The following LHFPL3 variants were observed in gnomAD, a reference collection of about 807,000 sequenced individuals.
LHFPL3 encodes the protein LHFPL tetraspan subfamily member 3 protein.
Under a neutral mutation model 19.3 loss-of-function variants are expected in LHFPL3, and 5 were observed. The observed-to-expected ratio is 0.26, with a 90% CI of 0.14 to 0.54. The LOEUF (loss-of-function observed/expected upper bound fraction) is 0.54, where lower values mean the gene tolerates loss of function less well. Ranked by LOEUF, LHFPL3 falls within the 20% of genes least tolerant of loss-of-function variation. The pLI, the probability that LHFPL3 is intolerant of heterozygous loss-of-function variation, is 0.94. For missense variants in LHFPL3, 249 were observed against 307.4 expected (o/e 0.81, Z 1.42); for synonymous variants, 133 against 126.2 (o/e 1.05, Z -0.36).
chr7:104,896,821 C>T (rs749341391), intron 2 of LHFPL3, among the ~76,000 whole-genome samples: 1 of 152,124 alleles, frequency 6.6e-6, no homozygotes, highest in Non-Finnish European at 1.5e-5. Context: ...CTCGGTGGCT[C>T]ATGCCTGTAA....
intron 1 of LHFPL3, among the ~76,000 whole-genome samples, chr7:104,461,426 A>C (rs962091693): frequency 6.6e-6 from 1 of 152,210 alleles, no homozygotes; most frequent in Non-Finnish European, 1.5e-5. Context: ...GCATATGACT[A>C]GCCAGTTATC....
At chr7:104,440,036 G>C (rs1044422452) in intron 1 of LHFPL3, among the ~76,000 whole-genome samples, 1 of 72,968 alleles carries the variant, frequency 1.4e-5, no homozygotes, top group Non-Finnish European at 2.8e-5. Flanking sequence ...TACAAAGCCT[G>C]GGGGGGGGGA....
At chr7:104,864,851 C>T (rs140012827) in intron 2 of LHFPL3, among the ~76,000 whole-genome samples, 2,406 of 152,268 alleles carry the variant, frequency 0.016, 67 homozygotes, top group African/African-American at 0.054. Context: ...ACACCTCACA[C>T]GGCCGGGTAC....
intron 1 of LHFPL3, among the ~76,000 whole-genome samples, chr7:104,406,339 A>C (rs568223903): frequency 9.2e-5 from 14 of 152,352 alleles, no homozygotes; most frequent in Admixed American, 3.9e-4. Context: ...AATGTAGGCC[A>C]GGTTGGAAAT....
At chr7:104,482,332 C>T (rs1793153555) in intron 1 of LHFPL3, among the ~76,000 whole-genome samples, 2 of 152,182 alleles carry the variant, frequency 1.3e-5, no homozygotes, top group South Asian at 4.1e-4. Flanking sequence ...TTCTAGGAAC[C>T]ACATCTAAGA....
chr7:104,562,528 C>A (rs541757510), intron 1 of LHFPL3, among the ~76,000 whole-genome samples: 3 of 152,222 alleles, frequency 2.0e-5, no homozygotes, highest in African/African-American at 7.2e-5. Flanking sequence ...TGGTTTTCAG[C>A]TCCATCAGCT....
intron 1 of LHFPL3, among the ~76,000 whole-genome samples, chr7:104,451,305 G>A (rs79417351): frequency 0.04 from 6,119 of 152,252 alleles, 361 homozygotes; most frequent in East Asian, 0.13. Context: ...TAGAAAGTAA[G>A]CTTGGCTGCC....
chr7:104,891,675 C>A (rs975929592), intron 2 of LHFPL3, among the ~76,000 whole-genome samples: 1 of 152,182 alleles, frequency 6.6e-6, no homozygotes, highest in Non-Finnish European at 1.5e-5. Context: ...GGTTGGGAAG[C>A]CTTTCTAAGA....
intron 2 of LHFPL3, among the ~76,000 whole-genome samples, chr7:104,899,834 T>A (rs1331062635): frequency 6.6e-6 from 1 of 152,046 alleles, no homozygotes; most frequent in Non-Finnish European, 1.5e-5. Flanking sequence ...TGGGTTCAAG[T>A]GATTATCCTG....
At chr7:104,333,507 G>A (rs1055814913) in intron 1 of LHFPL3, among the ~76,000 whole-genome samples, 1 of 152,174 alleles carries the variant, frequency 6.6e-6, no homozygotes, top group Non-Finnish European at 1.5e-5. Context: ...CCAGCAAGAA[G>A]TGCCACCAAG....
intron 2 of LHFPL3, among the ~76,000 whole-genome samples, chr7:104,876,960 G>A (rs1445288552): frequency 6.6e-6 from 1 of 152,154 alleles, no homozygotes; most frequent in Non-Finnish European, 1.5e-5. Context: ...AAAATGATGA[G>A]TTCATGTCCT....
intron 2 of LHFPL3, among the ~76,000 whole-genome samples, chr7:104,778,551 AC>A (rs1422213824): frequency 6.6e-6 from 1 of 152,138 alleles, no homozygotes; most frequent in Non-Finnish European, 1.5e-5. Context: ...TTTTCCAGCA[AC>A]CATGTGTACC....
chr7:104,629,956 T>C (rs1488016444), intron 1 of LHFPL3, among the ~76,000 whole-genome samples: 1 of 152,174 alleles, frequency 6.6e-6, no homozygotes, highest in African/African-American at 2.4e-5. Context: ...GCAGCAGATG[T>C]CAGCACATCA....
chr7:104,372,291 C>T (rs952379539), intron 1 of LHFPL3, among the ~76,000 whole-genome samples: 5 of 152,178 alleles, frequency 3.3e-5, no homozygotes, highest in African/African-American at 1.2e-4. Flanking sequence ...GTCAGGGAGC[C>T]TGTGAAATGG....
intron 1 of LHFPL3, among the ~76,000 whole-genome samples, chr7:104,595,261 C>T (rs969722184): frequency 6.6e-6 from 1 of 152,176 alleles, no homozygotes; most frequent in African/African-American, 2.4e-5. Context: ...GATGCTATTT[C>T]TTTCTGTTTG....
intron 1 of LHFPL3, among the ~76,000 whole-genome samples, chr7:104,670,167 G>T (rs1377371024): frequency 6.6e-6 from 1 of 151,518 alleles, no homozygotes; most frequent in African/African-American, 2.4e-5. Context: ...CCCCCAAGGG[G>T]GTTAGTTGGG....
chr7:104,809,478 C>A (rs187468183), intron 2 of LHFPL3, among the ~76,000 whole-genome samples: 4 of 152,282 alleles, frequency 2.6e-5, no homozygotes, highest in African/African-American at 9.6e-5. Flanking sequence ...GGATACAGGA[C>A]AGATTTTCTA....
intron 1 of LHFPL3, among the ~76,000 whole-genome samples, chr7:104,417,300 T>C (rs1791640283): frequency 6.6e-6 from 1 of 152,206 alleles, no homozygotes; most frequent in Non-Finnish European, 1.5e-5. Flanking sequence ...ACAGATTTTT[T>C]TTCAAAAGCG....
At chr7:104,514,024 G>T (rs1225095886) in intron 1 of LHFPL3, among the ~76,000 whole-genome samples, 1 of 152,112 alleles carries the variant, frequency 6.6e-6, no homozygotes, top group Non-Finnish European at 1.5e-5. Flanking sequence ...TTAAGGTAGA[G>T]GATTTATTAA....
Sources: allele counts gnomAD v4.1 joint callset (sites outside exome capture counted in the v4.1 genomes callset), GRCh38; gene constraint gnomAD v4.1.1; transcripts MANE v1.5; gene names NCBI Gene and HGNC (gene_info 2026-07-23, HGNC 2026-07-21).